The following PACSIN1 variants were observed in gnomAD, a reference collection of about 807,000 sequenced individuals.
The protein encoded by PACSIN1 is protein kinase C and casein kinase substrate in neurons protein 1.
In PACSIN1, 15 loss-of-function variants were observed where a neutral mutation model predicts 59.5. The ratio of observed to expected loss-of-function variants is 0.25; its 90% confidence interval spans 0.17 to 0.39. The LOEUF is 0.39. Ranked by LOEUF, PACSIN1 falls within the 10% of genes least tolerant of loss-of-function variation. The probability of loss-of-function intolerance (pLI) is 1.00; values close to 1 mark genes in which losing one functional copy is unlikely to be tolerated. For missense variants in PACSIN1, 420 were observed against 580.2 expected (o/e 0.72, Z 2.84); for synonymous variants, 210 against 220.6 (o/e 0.95, Z 0.42).
Position 34,532,381 on chromosome 6 carries a change from A to C in PACSIN1, c.1226-40A>C, listed in dbSNP as rs558543669. The C allele has an allele frequency of 5.2e-6, 7 of 1,349,608 alleles. No homozygotes were observed. In the East Asian group the frequency reaches 1.0e-4, roughly 19 times the overall value. 83.6% of individuals were successfully genotyped at this position (1,349,608 alleles called of 1,614,324 possible). Reference sequence around the variant, plus strand: ...GCAGCCGGTGCGTTGAGGGAGGGGCAGCCTTCTCTCTGAGCCCCTCCCTGT... The same window carrying C: ...GCAGCCGGTGCGTTGAGGGAGGGGCCGCCTTCTCTCTGAGCCCCTCCCTGT... On this transcript the variant is annotated intron_variant, in intron 9 of 9. Coordinates refer to ENST00000244458, the MANE Select transcript of PACSIN1 (RefSeq NM_020804.5). This position sits in a 1 kb window ranked among gnomAD's most constrained non-coding sequence, Gnocchi z 5.2.
rs372868244 is a variant in PACSIN1, at chr6:34,514,286, G to A, written c.-63-11957G>A. Among the ~76,000 whole-genome samples the A allele has an allele frequency of 3.1e-4, 47 of 152,130 alleles. No homozygotes were observed. The East Asian group carries it at 4.7e-3, about 15-fold the overall frequency. On this transcript the variant is annotated intron_variant, in intron 1 of 9. Coordinates refer to ENST00000244458, the MANE Select transcript of PACSIN1 (RefSeq NM_020804.5). This position sits in a 1 kb window ranked among gnomAD's most constrained non-coding sequence, Gnocchi z 4.4. ...ACTGGCATCACAAGGTCTCGGTGCC[G>A]ACAGCTAGCCCAGGAACCTTGGACT...
rs1767254048 is a variant in PACSIN1, at chr6:34,514,496, G to A, written c.-63-11747G>A. 6.6e-6 allele frequency among the ~76,000 whole-genome samples: 1 copy of A among 152,166 alleles called. No individual in the cohort carries two copies. Among genetic ancestry groups the A allele is most frequent in the Non-Finnish European group, 1.5e-5 (1 of 68,028 alleles). ...ACAAATAGAAATGCTTCACCCAGCA[G>A]CAAGCGCTTAGATTTTAAGGACCCA... On this transcript the variant is annotated intron_variant, in intron 1 of 9. Coordinates refer to ENST00000244458, the MANE Select transcript of PACSIN1 (RefSeq NM_020804.5). This position sits in a 1 kb window ranked among gnomAD's most constrained non-coding sequence, Gnocchi z 4.4.
At chr6:34,527,074 G>A (rs376438624) in intron 2 of PACSIN1, among the ~76,000 whole-genome samples, 4 of 152,144 alleles carry the variant, frequency 2.6e-5, no homozygotes, top group African/African-American at 9.7e-5. Flanking sequence ...GTGGCAGCAA[G>A]GAAATCATGT....
intron 1 of PACSIN1, 81 bp from the exon 2 acceptor site, chr6:34,526,162 T>G: frequency 1.6e-6 from 1 of 638,084 alleles, no homozygotes; most frequent in Non-Finnish European, 2.7e-6. Context: ...GTCCCATCGG[T>G]TTGGGGACCC....
intron 1 of PACSIN1, among the ~76,000 whole-genome samples, chr6:34,501,818 C>T (rs1188774165): frequency 6.6e-6 from 1 of 152,044 alleles, no homozygotes; most frequent in Non-Finnish European, 1.5e-5. Context: ...ATCAAGAGGT[C>T]AGGAGATCGA....
Position 34,490,158 on chromosome 6 carries a change from T to C in PACSIN1, c.-64+23888T>C, listed in dbSNP as rs549569083. ...CCTCGACCTCTGGGTTCAAGTGAGCTTCCCACCCCAGCCTCTTGAGTAGCT... is the reference window on the plus strand; with the variant it reads ...CCTCGACCTCTGGGTTCAAGTGAGCCTCCCACCCCAGCCTCTTGAGTAGCT... On this transcript the variant is annotated intron_variant, in intron 1 of 9. Coordinates refer to ENST00000244458, the MANE Select transcript of PACSIN1 (RefSeq NM_020804.5). 6.6e-5 allele frequency among the ~76,000 whole-genome samples: 10 copies of C among 151,704 alleles called. No homozygotes were observed. In the East Asian group the frequency reaches 1.4e-3, roughly 21 times the overall value.
rs1052878402 is a variant in PACSIN1 at position 34,514,560 on chromosome 6, G to A, written c.-63-11683G>A. Among the ~76,000 whole-genome samples the A allele has an allele frequency of 2.6e-5, 4 of 152,166 alleles. No homozygotes were observed. In the South Asian group the frequency reaches 8.3e-4, roughly 32 times the overall value. ...GAAAGGTGCAGCTGTCTGGAAGGAC[G>A]ATTGGGAGGTGGGATCTTGGGGAGA... On this transcript the variant is annotated intron_variant, in intron 1 of 9. Coordinates refer to ENST00000244458, the MANE Select transcript of PACSIN1 (RefSeq NM_020804.5). The surrounding 1 kb of genome is among the most constrained non-coding windows in gnomAD (Gnocchi z 4.4).
At position 34,475,317 on chromosome 6, in the gene PACSIN1, T is replaced by A. The variant is rs75949880; in HGVS notation, c.-64+9047T>A. On this transcript the variant is annotated intron_variant, in intron 1 of 9. Transcript: ENST00000244458. ...ATGTTTCCTAAAATTAAAAAAAAAA[T>A]TAAAAAAACACATATTTGTGCCTAG... Among the ~76,000 whole-genome samples the A allele has an allele frequency of 6.0e-5, 9 of 149,198 alleles. No individual in the cohort carries two copies. The East Asian group carries it at 1.4e-3, about 23-fold the overall frequency.
intron 1 of PACSIN1, among the ~76,000 whole-genome samples, chr6:34,491,134 C>T (rs1368854974): frequency 6.6e-6 from 1 of 152,098 alleles, no homozygotes; most frequent in Non-Finnish European, 1.5e-5. Context: ...GCGCCCTGGG[C>T]CCGCTCCTCA....
intron 1 of PACSIN1, among the ~76,000 whole-genome samples, chr6:34,505,704 G>T (rs1161948011): frequency 6.7e-6 from 1 of 148,724 alleles, no homozygotes. Flanking sequence ...CACAATCTCG[G>T]CTCACTGCAA....
intron 1 of PACSIN1, among the ~76,000 whole-genome samples, chr6:34,475,598 G>A (rs1411392118): frequency 6.6e-6 from 1 of 152,164 alleles, no homozygotes; most frequent in Non-Finnish European, 1.5e-5. Flanking sequence ...CTGCTCCCGG[G>A]GAAGGGCCTA....
intron 1 of PACSIN1, among the ~76,000 whole-genome samples, chr6:34,510,997 G>A (rs1171883014): frequency 6.6e-6 from 1 of 152,190 alleles, no homozygotes; most frequent in Non-Finnish European, 1.5e-5. Context: ...ACAGGTGTGA[G>A]CCACCGCACT....
intron 1 of PACSIN1, among the ~76,000 whole-genome samples, chr6:34,504,313 C>T (rs545208118): frequency 0.025 from 3,142 of 124,036 alleles, 50 homozygotes; most frequent in Non-Finnish European, 0.038. Context: ...TTTTTTTAAA[C>T]GGAGTTTTGC....
intron 1 of PACSIN1, among the ~76,000 whole-genome samples, chr6:34,503,628 G>A (rs60416772): frequency 0.013 from 1,943 of 152,286 alleles, 37 homozygotes; most frequent in African/African-American, 0.044. Context: ...AAGTCACTCA[G>A]TCCACCTTAC....
At chr6:34,501,284 A>G (rs945508504) in intron 1 of PACSIN1, among the ~76,000 whole-genome samples, 1 of 152,230 alleles carries the variant, frequency 6.6e-6, no homozygotes, top group African/African-American at 2.4e-5. Context: ...ATAGTTTGGT[A>G]GACAAAAATC....
At chr6:34,477,219 G>A (rs1299224567) in intron 1 of PACSIN1, among the ~76,000 whole-genome samples, 1 of 152,092 alleles carries the variant, frequency 6.6e-6, no homozygotes, top group African/African-American at 2.4e-5. Flanking sequence ...GGCCGGGCAT[G>A]GTTGCTCATG....
At chr6:34,520,685 C>T (rs758778284) in intron 1 of PACSIN1, among the ~76,000 whole-genome samples, 38 of 152,282 alleles carry the variant, frequency 2.5e-4, no homozygotes, top group Non-Finnish European at 4.0e-4. Flanking sequence ...TTGTTGATGC[C>T]GCCTGCGTGC....
intron 1 of PACSIN1, among the ~76,000 whole-genome samples, chr6:34,493,286 TGTACACA>T (rs1766903414): frequency 1.3e-5 from 2 of 152,194 alleles, no homozygotes; most frequent in Admixed American, 6.5e-5. Context: ...GGCATAACAT[TGTACACA>T]GTATATCTGC....
chr6:34,470,079 C>T (rs1392657423), intron 1 of PACSIN1, among the ~76,000 whole-genome samples: 1 of 152,096 alleles, frequency 6.6e-6, no homozygotes, highest in Non-Finnish European at 1.5e-5. Flanking sequence ...GGGGGCTCCC[C>T]TCCACCCTCC....
Sources: allele counts gnomAD v4.1 joint callset (sites outside exome capture counted in the v4.1 genomes callset), GRCh38; gene constraint gnomAD v4.1.1; non-coding constraint Gnocchi (gnomAD v3.1); transcripts MANE v1.5; gene names NCBI Gene and HGNC (gene_info 2026-07-23, HGNC 2026-07-21).